The following CCDC146 variants were observed in gnomAD, a reference collection of about 807,000 sequenced individuals.
The protein encoded by CCDC146 is coiled-coil domain-containing protein 146.
A neutral mutation model predicts 119.3 loss-of-function variants in CCDC146; 92 were observed. That is an observed-to-expected ratio of 0.77 (90% CI 0.65 to 0.92). The LOEUF (loss-of-function observed/expected upper bound fraction) is 0.92. Ranked by LOEUF, CCDC146 falls within the 40% of genes least tolerant of loss-of-function variation. The pLI is 0.00. For missense variants in CCDC146, 1,000 were observed against 1,103.0 expected (o/e 0.91, Z 1.32); for synonymous variants, 372 against 371.8 (o/e 1.00, Z -0.01).
chr7:77,192,740 T>C (rs889376601), intron 2 of CCDC146, among the ~76,000 whole-genome samples: 4 of 151,998 alleles, frequency 2.6e-5, no homozygotes, highest in African/African-American at 9.7e-5. Flanking sequence ...CTGGCTAACA[T>C]GGTGAAACCC....
chr7:77,161,212 T>C (rs1791256362), intron 1 of CCDC146, among the ~76,000 whole-genome samples: 1 of 152,196 alleles, frequency 6.6e-6, no homozygotes, highest in Non-Finnish European at 1.5e-5. Flanking sequence ...GTTCAACCAT[T>C]GTGGAAGTCA....
chr7:77,198,557 A>C (rs1584063788), intron 2 of CCDC146: 1 of 152,962 alleles, frequency 6.5e-6, no homozygotes, highest in East Asian at 1.9e-4. Flanking sequence ...TTCAGGTAAA[A>C]GAGAAAGAAA....
rs1793713074 is a variant in CCDC146, at chr7:77,279,087, C to T, written c.1680C>T (p.Ala560=). 11 of 1,609,708 alleles carry T rather than the reference C, an allele frequency of 6.8e-6. No individual in the cohort carries two copies. Among genetic ancestry groups the T allele is most frequent in the Non-Finnish European group, 8.5e-6 (10 of 1,178,238 alleles). The part of the protein sequence containing the change: ...LNELEILRNS[A]VSQERKLQNS... Reference sequence around the variant, plus strand: ...AACTTGAAATTCTGAGAAATAGTGCCGTTAGTCAAGAAAGGTAAGTGTTAT... The same window carrying T: ...AACTTGAAATTCTGAGAAATAGTGCTGTTAGTCAAGAAAGGTAAGTGTTAT... Residue 560 remains alanine, a synonymous_variant, in exon 13 of 19, where the codon GCC becomes GCT. Transcript: ENST00000285871.
intron 2 of CCDC146, among the ~76,000 whole-genome samples, chr7:77,189,737 C>G (rs916207876): frequency 1.3e-5 from 2 of 152,208 alleles, no homozygotes; most frequent in Non-Finnish European, 2.9e-5. Context: ...TTCAAACATG[C>G]TATCCACTCT....
intron 1 of CCDC146, among the ~76,000 whole-genome samples, chr7:77,129,824 A>G (rs1365659975): frequency 1.3e-5 from 2 of 152,128 alleles, no homozygotes; most frequent in East Asian, 1.9e-4. Flanking sequence ...TTCTTTAAAT[A>G]TGGTTTCCTT....
intron 2 of CCDC146, among the ~76,000 whole-genome samples, chr7:77,205,373 G>A (rs1792064331): frequency 6.6e-6 from 1 of 152,174 alleles, no homozygotes; most frequent in Non-Finnish European, 1.5e-5. Context: ...ATTCATTAAT[G>A]CAGAACTCAT....
intron 2 of CCDC146, chr7:77,199,611 C>A: frequency 1.2e-6 from 2 of 1,614,192 alleles, no homozygotes; most frequent in Non-Finnish European, 1.7e-6. Context: ...TCAAGGGGGG[C>A]AGGCTTACCT....
At chr7:77,268,862 C>T (rs1793456798) in intron 9 of CCDC146, among the ~76,000 whole-genome samples, 1 of 152,156 alleles carries the variant, frequency 6.6e-6, no homozygotes, top group Non-Finnish European at 1.5e-5. Flanking sequence ...TGATGTCATT[C>T]TAAATATTGA....
rs536111032 is a variant in CCDC146 at position 77,290,936 on chromosome 7, T to A, written c.2416-2016T>A. Among the ~76,000 whole-genome samples, 3 of 152,326 alleles carry A rather than the reference T, an allele frequency of 2.0e-5. No homozygotes were observed. In the South Asian group the frequency reaches 6.2e-4, roughly 32 times the overall value. On this transcript the variant is annotated intron_variant, in intron 17 of 18. Coordinates refer to ENST00000285871, the MANE Select transcript of CCDC146 (RefSeq NM_020879.3). ...TAGTATTTGGAAGCTCATTTGCATG[T>A]CCCAATTTATCCTGGTCCAAGAACA...
chr7:77,242,562 T>A (rs947885086), intron 4 of CCDC146: 1 of 176,868 alleles, frequency 5.7e-6, no homozygotes, highest in Non-Finnish European at 1.1e-5. Flanking sequence ...CCCCATGGAG[T>A]AGCAAGTCAC....
rs563473878 is a variant in CCDC146 at position 77,191,718 on chromosome 7, C to T, written c.156+23894C>T. ...GGTCAGGAGATCGAGACCATCCTGG[C>T]TAACACGGTGAAACCCAGTCTCTAC... On this transcript the variant is annotated intron_variant, in intron 2 of 18. Transcript: ENST00000285871. 2.5e-4 allele frequency among the ~76,000 whole-genome samples: 38 copies of T among 152,072 alleles called. No individual in the cohort carries two copies. In the South Asian group the frequency reaches 6.9e-3, roughly 27 times the overall value.
chr7:77,191,437 T>C (rs930191737), intron 2 of CCDC146, among the ~76,000 whole-genome samples: 6 of 152,234 alleles, frequency 3.9e-5, no homozygotes, highest in Non-Finnish European at 7.3e-5. Context: ...TATTAATCAC[T>C]TTGAATAACA....
rs1361100561 is a variant in CCDC146 at position 77,287,509 on chromosome 7, A to C, written c.2347A>C (p.Arg783=). Residue 783 remains arginine, a synonymous_variant, in exon 17 of 19, where the codon AGG becomes CGG. Coordinates refer to ENST00000285871, the MANE Select transcript of CCDC146 (RefSeq NM_020879.3). The stretch of plus-strand genomic sequence containing the variant: ...GGATTTCATCTATGAGCAGGTCTCC[A>C]GGCTCACAGACAGGCTCTGCAGCAA... The part of the protein sequence containing the change: ...EKDFIYEQVS[R]LTDRLCSKTQ... 2 of 1,614,006 alleles carry C rather than the reference A, an allele frequency of 1.2e-6. No individual in the cohort carries two copies. Among genetic ancestry groups the C allele is most frequent in the Non-Finnish European group, 1.7e-6 (2 of 1,179,882 alleles).
chr7:77,232,049 T>C (rs1343693355), intron 2 of CCDC146, among the ~76,000 whole-genome samples: 1 of 152,244 alleles, frequency 6.6e-6, no homozygotes, highest in Admixed American at 6.5e-5. Context: ...GCTGGACTAA[T>C]ACTGTGAAGT....
intron 2 of CCDC146, among the ~76,000 whole-genome samples, chr7:77,228,746 A>C (rs572823806): frequency 6.6e-6 from 1 of 152,350 alleles, no homozygotes; most frequent in East Asian, 1.9e-4. Context: ...GTCTTCTACA[A>C]TGGCTGAAAT....
chr7:77,128,906 A>G (rs1790745354), intron 1 of CCDC146, among the ~76,000 whole-genome samples: 1 of 152,164 alleles, frequency 6.6e-6, no homozygotes, highest in South Asian at 2.1e-4. Flanking sequence ...CCTTTTGGCC[A>G]TAACAAAAGG....
chr7:77,130,390 G>A (rs1223587385), intron 1 of CCDC146, among the ~76,000 whole-genome samples: 1 of 151,982 alleles, frequency 6.6e-6, no homozygotes, highest in Non-Finnish European at 1.5e-5. Context: ...AGAACAACTC[G>A]CAAGCGTTGC....
intron 2 of CCDC146, among the ~76,000 whole-genome samples, chr7:77,217,892 A>C (rs35721987): frequency 0.11 from 16,107 of 152,246 alleles, 1,115 homozygotes; most frequent in Non-Finnish European, 0.16. Flanking sequence ...AAAGAAAAAG[A>C]CATACCTATA....
chr7:77,142,211 G>A (rs1057179139), intron 1 of CCDC146, among the ~76,000 whole-genome samples: 9 of 152,080 alleles, frequency 5.9e-5, no homozygotes, highest in African/African-American at 2.2e-4. Flanking sequence ...TGGAAGTTCT[G>A]GCCAGGGCAA....
Sources: gnomAD v4.1 joint callset for allele counts (sites outside exome capture counted in the v4.1 genomes callset) on GRCh38, gnomAD v4.1.1 for gene constraint, MANE v1.5 for transcripts, NCBI Gene and HGNC (gene_info 2026-07-23, HGNC 2026-07-21) for gene names.